PLCG2: variants seen among roughly 807,000 people sequenced by gnomAD.
PLCG2 encodes phospholipase C gamma 2.
Under a neutral mutation model 175.6 loss-of-function variants are expected in PLCG2, and 69 were observed. The observed-to-expected ratio is 0.39, with a 90% CI of 0.32 to 0.48. The LOEUF (loss-of-function observed/expected upper bound fraction) is 0.48, where lower values mean the gene tolerates loss of function less well. PLCG2 is among the 20% of genes least tolerant of loss of function. PLCG2 has a pLI of 0.91. For missense variants in PLCG2, 1,798 were observed against 1,650.9 expected, an observed-to-expected ratio of 1.09 and a Z score of -1.54; for synonymous variants, 827 against 624.0, an observed-to-expected ratio of 1.33 and a Z score of -4.85.
Position 81,748,982 on chromosome 16 carries a change from G to A in PLCG2, c.-144-6888G>A, listed in dbSNP as rs1201580377. Among the ~76,000 whole-genome samples the A allele has an allele frequency of 5.3e-5, 8 of 152,172 alleles. No individual in the cohort carries two copies. The East Asian group carries it at 1.2e-3, about 22-fold the overall frequency. On this transcript the variant is annotated intron_variant, in intron 1 of 5. Coordinates refer to the PLCG2 transcript ENST00000565054. Reference sequence around the variant, plus strand: ...CTCTCCAGGCACTGAGGCCTGTGGCGGGGGGTGGCAGGAGAGAGCTCAGGG... The same window carrying A: ...CTCTCCAGGCACTGAGGCCTGTGGCAGGGGGTGGCAGGAGAGAGCTCAGGG...
In PLCG2 at chr16:81,936,361, T is replaced by G; in HGVS notation, c.3035T>G (p.Leu1012Arg). The change falls in exon 27 of 33, where the codon CTC becomes CGC. Residue 1012 changes from leucine (L) to arginine (R), a missense_variant. Leu to Arg is a moderately radical substitution (Grantham distance 102). Transcript: ENST00000564138. ...LWLCGSQMVA[L>R]NFQTADKYMQ... ...CTGTGCGGTTCTCAGATGGTGGCAC[T>G]CAATTTCCAGACGGCAGGTAAAGGC... is the stretch of plus-strand genomic sequence containing the variant. The G allele has an allele frequency of 6.2e-7, 1 of 1,613,862 alleles. No homozygotes were observed. The highest frequency in any genetic ancestry group is 8.5e-7 in the Non-Finnish European group (1 of 1,179,986).
intron 2 of PLCG2, among the ~76,000 whole-genome samples, chr16:81,827,621 C>T (rs1372467081): frequency 1.3e-5 from 2 of 152,062 alleles, no homozygotes; most frequent in Non-Finnish European, 2.9e-5. Flanking sequence ...TGACAATAAA[C>T]ACAGGCTGCA....
Position 81,938,914 on chromosome 16 carries a change from GAGTA to G in PLCG2, c.3313+3_3313+6del. On this transcript the variant is annotated splice_donor_variant and splice_donor_region_variant and coding_sequence_variant and intron_variant, in exon 29 of 33. Transcript: ENST00000564138. LOFTEE classifies it high-confidence loss of function. Reference sequence around the variant, plus strand: ...ACAACAAGTTCAAGACGACGGTTGTGAGTAAGTCAGTCACCTTGGCCCCTCTGCT... The same window carrying G: ...ACAACAAGTTCAAGACGACGGTTGTGAGTCAGTCACCTTGGCCCCTCTGCT... 1 of 1,576,744 alleles carries G rather than the reference GAGTA, an allele frequency of 6.3e-7. No individual in the cohort carries two copies. Among genetic ancestry groups the G allele is most frequent in the Non-Finnish European group, 8.7e-7 (1 of 1,147,082 alleles).
At chr16:81,934,599 T>A in intron 26 of PLCG2, 68 bp downstream of exon 26, 2 of 933,710 alleles carry the variant, frequency 2.1e-6, no homozygotes, top group Admixed American at 1.9e-5. Context: ...GAGTCTGATA[T>A]TTTCAGAGGG....
In PLCG2 at chr16:81,753,081, C is replaced by T. The variant is rs550520963; in HGVS notation, c.-144-2789C>T. Among the ~76,000 whole-genome samples the T allele has an allele frequency of 3.3e-5, 5 of 152,364 alleles. No individual in the cohort carries two copies. In the South Asian group the frequency reaches 6.2e-4, roughly 19 times the overall value. ...GGCTCAGTCTGAGCTGTCCAGGGTG[C>T]CCCACCAGCTTCTGCTGAGGATGGC... On this transcript the variant is annotated intron_variant, in intron 1 of 5. Coordinates refer to the PLCG2 transcript ENST00000565054.
intron 31 of PLCG2, among the ~76,000 whole-genome samples, chr16:81,949,135 A>AG (rs1911269003): frequency 6.6e-6 from 1 of 152,220 alleles, no homozygotes; most frequent in Non-Finnish European, 1.5e-5. Flanking sequence ...ATGGAAAGAA[A>AG]GGAAAAGGTG....
intron 2 of PLCG2, among the ~76,000 whole-genome samples, chr16:81,772,796 G>A (rs1219658299): frequency 6.8e-6 from 1 of 147,794 alleles, no homozygotes; most frequent in African/African-American, 2.5e-5. Context: ...GCAATAGAGT[G>A]AGACTCCATC....
intron 30 of PLCG2, among the ~76,000 whole-genome samples, chr16:81,942,128 C>T (rs116033842): frequency 5.2e-4 from 79 of 152,334 alleles, no homozygotes; most frequent in African/African-American, 1.8e-3. Flanking sequence ...CTACTGAACT[C>T]ATCCAGCAGA....
intron 13 of PLCG2, 24 bp downstream of exon 13, chr16:81,895,951 G>C (rs1277423001): frequency 1.9e-6 from 3 of 1,613,832 alleles, no homozygotes; most frequent in Non-Finnish European, 2.5e-6. Context: ...TTTCTGGGTG[G>C]TGTGACTTAA....
chr16:81,785,255 C>A (rs4580154), intron 1 of PLCG2, among the ~76,000 whole-genome samples: 64,884 of 151,896 alleles, frequency 0.43, 14,066 homozygotes, highest in South Asian at 0.64. Context: ...GCCGTCACCC[C>A]AGGTGCTTTG....
At chr16:81,886,423 A>G (rs1908370621) in intron 9 of PLCG2, among the ~76,000 whole-genome samples, 1 of 152,228 alleles carries the variant, frequency 6.6e-6, no homozygotes, top group African/African-American at 2.4e-5. Flanking sequence ...CTTTTCTAGA[A>G]AACACTTTGG....
At chr16:81,744,242 A>C (rs529925669) in intron 1 of PLCG2, among the ~76,000 whole-genome samples, 2 of 141,896 alleles carry the variant, frequency 1.4e-5, no homozygotes, top group South Asian at 4.4e-4. Flanking sequence ...ATTTTGGCTC[A>C]CTGTCAGCTC....
At chr16:81,930,702 C>T (rs1483994247) in intron 24 of PLCG2, among the ~76,000 whole-genome samples, 1 of 149,158 alleles carries the variant, frequency 6.7e-6, no homozygotes, top group African/African-American at 2.5e-5. Context: ...GAGCCAAGAT[C>T]GCACCACTGC....
intron 9 of PLCG2, among the ~76,000 whole-genome samples, chr16:81,887,886 T>A (rs1908449512): frequency 6.6e-6 from 1 of 152,240 alleles, no homozygotes; most frequent in Non-Finnish European, 1.5e-5. Flanking sequence ...TTAAAGGGTT[T>A]CTAGAATGTC....
chr16:81,781,522 C>G (rs926183085), intron 1 of PLCG2, among the ~76,000 whole-genome samples: 19 of 151,950 alleles, frequency 1.3e-4, no homozygotes, highest in Admixed American at 6.6e-5. Context: ...ATTGCAGGAT[C>G]GAAGCATATG....
intron 1 of PLCG2, among the ~76,000 whole-genome samples, chr16:81,744,830 T>C (rs1909672315): frequency 6.6e-6 from 1 of 152,088 alleles, no homozygotes; most frequent in Admixed American, 6.6e-5. Context: ...CCTCCCAAAG[T>C]GCTGGGATTA....
At chr16:81,825,026 T>C (rs1019488849) in intron 2 of PLCG2, among the ~76,000 whole-genome samples, 2 of 152,210 alleles carry the variant, frequency 1.3e-5, no homozygotes, top group Non-Finnish European at 2.9e-5. Flanking sequence ...GCAGGTGGCC[T>C]CTAGAGCTGG....
intron 2 of PLCG2, among the ~76,000 whole-genome samples, chr16:81,794,525 G>C (rs1264782007): frequency 6.6e-6 from 1 of 152,144 alleles, no homozygotes; most frequent in African/African-American, 2.4e-5. Flanking sequence ...ATGGTATAAA[G>C]AAGGGCTGTC....
chr16:81,844,412 A>G (rs1376153821), intron 2 of PLCG2, among the ~76,000 whole-genome samples: 3 of 151,876 alleles, frequency 2.0e-5, no homozygotes, highest in Admixed American at 6.6e-5. Context: ...GCACCCCCAC[A>G]ATGGGTTCAA....
Sources: allele counts gnomAD v4.1 joint callset (sites outside exome capture counted in the v4.1 genomes callset), GRCh38; gene constraint gnomAD v4.1.1; transcripts MANE v1.5; gene names NCBI Gene and HGNC (gene_info 2026-07-23, HGNC 2026-07-21).